The following CYP26B1 variants were observed in gnomAD, a reference collection of about 807,000 sequenced individuals.
CYP26B1 encodes the protein cytochrome P450 family 26 subfamily B member 1.
Under a neutral mutation model 39.1 loss-of-function variants are expected in CYP26B1, and 8 were observed. That is an observed-to-expected ratio of 0.20 (90% confidence interval 0.12 to 0.37). The LOEUF (loss-of-function observed/expected upper bound fraction) is 0.37. CYP26B1 is among the 10% of genes least tolerant of loss of function. The probability of loss-of-function intolerance (pLI) is 1.00; values close to 1 mark genes in which losing one functional copy is unlikely to be tolerated. For synonymous variants in CYP26B1, 321 were observed against 314.3 expected, an observed-to-expected ratio of 1.02 and a Z score of -0.23; for missense variants, 615 against 707.0, an observed-to-expected ratio of 0.87 and a Z score of 1.48.
chr2:72,131,067 C>T lies in CYP26B1; in HGVS notation c.*1160G>A, dbSNP rs1468615837. 1.3e-5 allele frequency: 2 copies of T among 152,594 alleles called. No individual in the cohort carries two copies. The highest frequency in any genetic ancestry group is 2.4e-5 in the African/African-American group (1 of 41,442). The allele number at this position is 152,594 out of a possible 1,614,324, so 9.5% of individuals were successfully genotyped here. A position where few individuals can be genotyped will look rare whatever the true frequency, so the allele number is the denominator to read the frequency against. The stretch of plus-strand genomic sequence containing the variant: ...GCCCTTGCTCCCCGTCAGAAGAACC[C>T]GTATCCTTCCCCATACTCACGCCTG... On this transcript the variant is annotated 3_prime_UTR_variant, in exon 6 of 6. Coordinates refer to ENST00000001146, the MANE Select transcript of CYP26B1 (RefSeq NM_019885.4).
intron 1 of CYP26B1, chr2:72,144,491 G>T: frequency 1.6e-6 from 2 of 1,217,650 alleles, no homozygotes; most frequent in African/African-American, 1.6e-5. Flanking sequence ...GAGGTATCCC[G>T]GACAGCTGGA....
Position 72,135,155 on chromosome 2 carries a change from C to T in CYP26B1, c.694G>A (p.Gly232Ser). ...FSLPVDLPFS[G>S]YRRGIQARQI... The stretch of plus-strand genomic sequence containing the variant: ...CCCTGGGTGCTCACCCGCCGGTAGC[C>T]ACTGAAGGGCAGGTCGACAGGCAGG... Residue 232 changes from glycine to serine, a missense_variant, in exon 3 of 6, where the codon GGC becomes AGC. By Grantham distance (56) the Gly-to-Ser change is moderately conservative. Coordinates refer to ENST00000001146, the MANE Select transcript of CYP26B1 (RefSeq NM_019885.4). 1 of 1,613,836 alleles carries T rather than the reference C, an allele frequency of 6.2e-7. No individual in the cohort carries two copies. The highest frequency in any genetic ancestry group is 8.5e-7 in the Non-Finnish European group (1 of 1,180,024).
Position 72,132,310 on chromosome 2 carries a change from G to A in CYP26B1, c.1456C>T (p.Leu486Phe), listed in dbSNP as rs1676609004. 2 of 1,608,190 alleles carry A rather than the reference G, an allele frequency of 1.2e-6. No individual in the cohort carries two copies. Among genetic ancestry groups the A allele is most frequent in the East Asian group, 2.2e-5 (1 of 44,708 alleles). ...LVPVLHPVDG[L>F]SVKFFGLDSN... is the part of the protein sequence containing the mutation. Reference sequence around the variant, plus strand: ...TCCAGGCCAAAGAACTTGACGCTGAGGCCATCCACGGGGTGCAGGACGGGG... The same window carrying A: ...TCCAGGCCAAAGAACTTGACGCTGAAGCCATCCACGGGGTGCAGGACGGGG... Residue 486 changes from leucine (L) to phenylalanine (F), a missense_variant, in exon 6 of 6, where the codon CTC becomes TTC. Physicochemically the swap from Leu to Phe is conservative, Grantham distance 22 (BLOSUM62 0). Coordinates refer to ENST00000001146, the MANE Select transcript of CYP26B1 (RefSeq NM_019885.4).
Position 72,132,319 on chromosome 2 carries a change from C to T in CYP26B1, c.1447G>A (p.Val483Met), listed in dbSNP as rs79138418. 5.1e-5 allele frequency: 82 copies of T among 1,609,356 alleles called. 1 individual carries two copies. The East Asian group carries it at 9.8e-4, about 19-fold the overall frequency. Residue 483 changes from valine to methionine, a missense_variant, in exon 6 of 6, where the codon GTG becomes ATG. By Grantham distance (21) the Val-to-Met change is conservative. Coordinates refer to ENST00000001146, the MANE Select transcript of CYP26B1 (RefSeq NM_019885.4). ...AAGAACTTGACGCTGAGGCCATCCA[C>T]GGGGTGCAGGACGGGGACCAAGGTG... is the stretch of plus-strand genomic sequence containing the variant. Reference protein sequence around the residue: ...RITLVPVLHPVDGLSVKFFGL... With the variant: ...RITLVPVLHPMDGLSVKFFGL...
At position 72,131,856 on chromosome 2, in the gene CYP26B1, C is replaced by A; in HGVS notation, c.*371G>T. On this transcript the variant is annotated 3_prime_UTR_variant, in exon 6 of 6. Coordinates refer to ENST00000001146, the MANE Select transcript of CYP26B1 (RefSeq NM_019885.4). ...AAGGGGGCACGGCTCTTCCCGTCCC[C>A]CAACCCCAGCTAAAAGGGTCCGAAA... is the stretch of plus-strand genomic sequence containing the variant. 4.3e-6 allele frequency: 1 copy of A among 234,650 alleles called. No individual in the cohort carries two copies. The allele number at this position is 234,650 out of a possible 1,614,324, so 14.5% of individuals were successfully genotyped here.
In CYP26B1 at chr2:72,135,184, A is replaced by G; in HGVS notation, c.665T>C (p.Phe222Ser). 1.2e-6 allele frequency: 2 copies of G among 1,613,956 alleles called. No individual in the cohort carries two copies. The highest frequency in any genetic ancestry group is 1.7e-6 in the Non-Finnish European group (2 of 1,180,020). ...GAAGGGCAGGTCGACAGGCAGGGAGAAGACATTGTCCACAAACTGCTGGTA... is the reference window on the plus strand; with the variant it reads ...GAAGGGCAGGTCGACAGGCAGGGAGGAGACATTGTCCACAAACTGCTGGTA... Reference protein sequence around the residue: ...EVYQQFVDNVFSLPVDLPFSG... With the variant: ...EVYQQFVDNVSSLPVDLPFSG... Residue 222 changes from phenylalanine (F) to serine (S), a missense_variant, in exon 3 of 6, where the codon TTC becomes TCC. Coordinates refer to ENST00000001146, the MANE Select transcript of CYP26B1 (RefSeq NM_019885.4).
At chr2:72,132,721 C>G (rs1676630005) in intron 5 of CYP26B1, 102 bp from the exon 6 acceptor site, 5 of 1,499,922 alleles carry the variant, frequency 3.3e-6, no homozygotes, top group Non-Finnish European at 3.6e-6. Context: ...TGTTCAAGAC[C>G]TGCCTTTTCT....
rs752491719 is a variant in CYP26B1 at position 72,133,009 on chromosome 2, G to T, written c.1146+14C>A. On this transcript the variant is annotated intron_variant, in intron 5 of 5. Coordinates refer to ENST00000001146, the MANE Select transcript of CYP26B1 (RefSeq NM_019885.4). ...GCTCCCCCATCGCCCCCGGTGCCAC[G>T]GGCCCAGCCTCACATCAAGCTCGAA... The T allele has an allele frequency of 6.2e-7, 1 of 1,612,950 alleles. No homozygotes were observed. Among genetic ancestry groups the T allele is most frequent in the African/African-American group, 1.3e-5 (1 of 74,936 alleles).
intron 2 of CYP26B1, 151 bp from the exon 3 acceptor site, chr2:72,135,570 C>CA: frequency 8.5e-7 from 1 of 1,178,520 alleles, no homozygotes; most frequent in Non-Finnish European, 1.2e-6. Flanking sequence ...CAGCTGCCAG[C>CA]AAGTCTTTGG....
Position 72,130,783 on chromosome 2 carries a change from A to G in CYP26B1, c.*1444T>C, listed in dbSNP as rs1676543059. Reference sequence around the variant, plus strand: ...TCCCGACTGGCCAGTTTTCAACCCAATCCCCCTGACAAACCGCACGTAGCC... The same window carrying G: ...TCCCGACTGGCCAGTTTTCAACCCAGTCCCCCTGACAAACCGCACGTAGCC... On this transcript the variant is annotated 3_prime_UTR_variant, in exon 6 of 6. Coordinates refer to ENST00000001146, the MANE Select transcript of CYP26B1 (RefSeq NM_019885.4). The G allele has an allele frequency of 3.9e-5, 6 of 151,904 alleles. No individual in the cohort carries two copies. The South Asian group carries it at 8.3e-4, about 21-fold the overall frequency. 9.4% of individuals were successfully genotyped at this position (151,904 alleles called of 1,614,324 possible).
At chr2:72,138,988 G>C (rs1031191301) in intron 2 of CYP26B1, among the ~76,000 whole-genome samples, 1 of 152,174 alleles carries the variant, frequency 6.6e-6, no homozygotes, top group Non-Finnish European at 1.5e-5. Context: ...CTCTCACCCC[G>C]TGCCCTGGGA....
Position 72,144,207 on chromosome 2 carries a change from C to T in CYP26B1, c.211G>A (p.Gly71Ser), listed in dbSNP as rs1310941300. The T allele has an allele frequency of 2.5e-6, 4 of 1,588,658 alleles. No homozygotes were observed. Among genetic ancestry groups the T allele is most frequent in the Non-Finnish European group, 3.4e-6 (4 of 1,162,088 alleles). ...ETGHWLLQGS[G>S]FQSSRREKYG... is the part of the protein sequence containing the mutation. ...TTCTCCCTCCGCGACGACTGGAAGCCAGAACCCTGCGGGAGCCACACCCGG... is the reference window on the plus strand; with the variant it reads ...TTCTCCCTCCGCGACGACTGGAAGCTAGAACCCTGCGGGAGCCACACCCGG... The change falls in exon 2 of 6, where the codon GGC (glycine) becomes AGC (serine). Residue 71 changes from glycine (G) to serine (S), a missense_variant. Coordinates refer to ENST00000001146, the MANE Select transcript of CYP26B1 (RefSeq NM_019885.4).
intron 2 of CYP26B1, chr2:72,142,974 G>A (rs1676985883): frequency 6.0e-6 from 1 of 167,142 alleles, no homozygotes; most frequent in African/African-American, 2.4e-5. Context: ...AAGTGCTACA[G>A]GATGCGTCGG....
rs1359914942 is a variant in CYP26B1 at position 72,134,904 on chromosome 2, G to C, written c.718C>G (p.Arg240Gly). The change falls in exon 4 of 6, where the codon CGG (arginine) becomes GGG (glycine). Residue 240 changes from arginine to glycine, a missense_variant. By Grantham distance (125) the Arg-to-Gly change is moderately radical. Transcript: ENST00000001146. ...FSGYRRGIQA[R>G]QILQKGLEKA... ...TCCAGCCCCTTCTGCAGGATCTGCCGAGCCTGAATGCCCTGCAGAGGTGAG... is the reference window on the plus strand; with the variant it reads ...TCCAGCCCCTTCTGCAGGATCTGCCCAGCCTGAATGCCCTGCAGAGGTGAG... 3 of 1,613,884 alleles carry C rather than the reference G, an allele frequency of 1.9e-6. No homozygotes were observed. Among genetic ancestry groups the C allele is most frequent in the East Asian group, 2.2e-5 (1 of 44,878 alleles).
At chr2:72,145,806 G>GT (rs937308419) in intron 1 of CYP26B1, among the ~76,000 whole-genome samples, 1 of 152,046 alleles carries the variant, frequency 6.6e-6, no homozygotes, top group Admixed American at 6.6e-5. Flanking sequence ...TTCACAAAGA[G>GT]TACTTTCATA....
rs924427311 is a variant in CYP26B1 at position 72,135,311 on chromosome 2, T to G, written c.538A>C (p.Asn180His). The change falls in exon 3 of 6, where the codon AAC (asparagine) becomes CAC (histidine). Residue 180 changes from asparagine (N) to histidine (H), a missense_variant. Coordinates refer to ENST00000001146, the MANE Select transcript of CYP26B1 (RefSeq NM_019885.4). ...RAWSSHPEAI[N>H]VYQEAQKLTF... is the part of the protein sequence containing the mutation. ...AGCTTCTGCGCCTCCTGGTACACGTTGATGGCCTCGGGGTGGCTGCTCCAG... is the reference window on the plus strand; with the variant it reads ...AGCTTCTGCGCCTCCTGGTACACGTGGATGGCCTCGGGGTGGCTGCTCCAG... 1 of 1,613,948 alleles carries G rather than the reference T, an allele frequency of 6.2e-7. No individual in the cohort carries two copies. The highest frequency in any genetic ancestry group is 1.3e-5 in the African/African-American group (1 of 74,950).
intron 4 of CYP26B1, 50 bp downstream of exon 4, chr2:72,134,711 A>G: frequency 1.9e-6 from 3 of 1,580,610 alleles, no homozygotes; most frequent in Non-Finnish European, 2.6e-6. Flanking sequence ...AAAGCTCAGA[A>G]TGGAGCCTGG....
In CYP26B1 at chr2:72,132,950, T is replaced by C. The variant is rs1429829520; in HGVS notation, c.1146+73A>G. The C allele has an allele frequency of 6.9e-6, 11 of 1,601,274 alleles. No homozygotes were observed. In the Admixed American group the frequency reaches 1.9e-4, roughly 27 times the overall value. On this transcript the variant is annotated intron_variant, in intron 5 of 5. Coordinates refer to ENST00000001146, the MANE Select transcript of CYP26B1 (RefSeq NM_019885.4). Reference sequence around the variant, plus strand: ...GGCCTGAAGTCCCTGAAATGGAGGCTGGTGCCCCGCCTTGCCCCTATCCCG... The same window carrying C: ...GGCCTGAAGTCCCTGAAATGGAGGCCGGTGCCCCGCCTTGCCCCTATCCCG...
intron 5 of CYP26B1, 72 bp from the exon 6 acceptor site, chr2:72,132,691 C>G: frequency 6.5e-7 from 1 of 1,532,160 alleles, no homozygotes; most frequent in South Asian, 1.2e-5. Flanking sequence ...AGGACTGCCC[C>G]CTCCCTGCTC....
Sources: gnomAD v4.1 joint callset for allele counts (sites outside exome capture counted in the v4.1 genomes callset) on GRCh38, gnomAD v4.1.1 for gene constraint, MANE v1.5 for transcripts, NCBI Gene and HGNC (gene_info 2026-07-23, HGNC 2026-07-21) for gene names.